The following UNC5D variants were observed in gnomAD, a reference collection of about 807,000 sequenced individuals.
UNC5D encodes the protein unc-5 netrin receptor D, also known as netrin receptor UNC5D.
In UNC5D, 39 loss-of-function variants were observed where a neutral mutation model predicts 105.4. The observed-to-expected ratio is 0.37, with a 90% CI of 0.29 to 0.48. UNC5D has a LOEUF of 0.48. Ranked by LOEUF, UNC5D falls within the 20% of genes least tolerant of loss-of-function variation. UNC5D has a pLI of 0.98. For synonymous variants in UNC5D, 452 were observed against 450.4 expected (o/e 1.00, Z -0.04); for missense variants, 991 against 1,202.4 (o/e 0.82, Z 2.60).
intron 2 of UNC5D, among the ~76,000 whole-genome samples, chr8:35,563,502 A>T (rs908675419): frequency 1.3e-5 from 2 of 151,880 alleles, no homozygotes; most frequent in African/African-American, 4.8e-5. Flanking sequence ...TTTGGTTGTC[A>T]GTTCCAATGT....
At chr8:35,393,327 G>A (rs920399008) in intron 1 of UNC5D, among the ~76,000 whole-genome samples, 1 of 150,952 alleles carries the variant, frequency 6.6e-6, no homozygotes, top group Non-Finnish European at 1.5e-5. Flanking sequence ...TAGAGACGGG[G>A]TTTCACCGTG....
chr8:35,402,053 T>G (rs1372569188), intron 1 of UNC5D, among the ~76,000 whole-genome samples: 1 of 152,218 alleles, frequency 6.6e-6, no homozygotes, highest in Non-Finnish European at 1.5e-5. Flanking sequence ...TTCTGCTCCG[T>G]GTGGATCACT....
Position 35,683,634 on chromosome 8 carries a change from C to T in UNC5D, c.658C>T (p.Gln220Ter). The change falls in exon 5 of 17, where the codon CAG becomes TAG. Residue 220 changes from glutamine to a stop codon, truncating the protein, a stop_gained. Coordinates refer to ENST00000404895, the MANE Select transcript of UNC5D (RefSeq NM_080872.4). LOFTEE classifies it high-confidence loss of function. ...GGCTGACCATAACCTGATCATCAGG[C>T]AGGCACGGCTCTCGGACTCAGGAAA... ...TRADHNLIIR[Q>*]ARLSDSGNYT... is the part of the protein sequence containing the mutation. 6.3e-7 allele frequency: 1 copy of T among 1,582,560 alleles called. No individual in the cohort carries two copies. The highest frequency in any genetic ancestry group is 8.6e-7 in the Non-Finnish European group (1 of 1,169,058).
At chr8:35,515,804 A>G (rs533501326) in intron 1 of UNC5D, among the ~76,000 whole-genome samples, 370 of 152,340 alleles carry the variant, frequency 2.4e-3, no homozygotes, top group Non-Finnish European at 3.4e-3. Flanking sequence ...TGGATATAAT[A>G]AGTAATAATA....
At chr8:35,281,851 A>G (rs1042563581) in intron 1 of UNC5D, among the ~76,000 whole-genome samples, 2 of 152,186 alleles carry the variant, frequency 1.3e-5, no homozygotes, top group African/African-American at 4.8e-5. Context: ...GGTTTGGTGA[A>G]TAGAGTTATG....
At chr8:35,482,926 C>A (rs1343542042) in intron 1 of UNC5D, among the ~76,000 whole-genome samples, 1 of 151,404 alleles carries the variant, frequency 6.6e-6, no homozygotes, top group Non-Finnish European at 1.5e-5. Context: ...CCGTGGCCCC[C>A]CGAGTAGCTG....
Position 35,409,063 on chromosome 8 carries a change from A to T in UNC5D, c.104-140229A>T, listed in dbSNP as rs143796210. Among the ~76,000 whole-genome samples the T allele has an allele frequency of 4.1e-3, 625 of 152,182 alleles. 2 individuals carry two copies. The highest frequency in any genetic ancestry group is 0.014 in the African/African-American group (570 of 41,568). On this transcript the variant is annotated intron_variant, in intron 1 of 16. Coordinates refer to ENST00000404895, the MANE Select transcript of UNC5D (RefSeq NM_080872.4). ...TTTTAAGTCTAGCTTCTTTCACTTA[A>T]TGCTTATGTGTATCATCCTTGTTGT...
Position 35,731,399 on chromosome 8 carries a change from C to CAAAA in UNC5D, c.1766+330_1766+333dup, listed in dbSNP as rs57529561. Among the ~76,000 whole-genome samples, 100 of 30,632 alleles carry CAAAA rather than the reference C, an allele frequency of 3.3e-3. 4 individuals carry two copies. The highest frequency in any genetic ancestry group is 4.8e-3 in the African/African-American group (76 of 15,720). 20.1% of individuals were successfully genotyped at this position (30,632 alleles called of 152,430 possible). On this transcript the variant is annotated intron_variant, in intron 11 of 16. Transcript: ENST00000404895. The stretch of plus-strand genomic sequence containing the variant: ...CTGGGCAACAGTGAGACTCTGTCTC[C>CAAAA]AAAAAAAAAAAAAAAAAAAAAAAAA...
chr8:35,633,459 T>C (rs1386307043), intron 4 of UNC5D, among the ~76,000 whole-genome samples: 1 of 152,118 alleles, frequency 6.6e-6, no homozygotes, highest in African/African-American at 2.4e-5. Context: ...AAAAAAATCC[T>C]TTTTTGTACA....
At chr8:35,582,564 C>G (rs578119167) in intron 3 of UNC5D, among the ~76,000 whole-genome samples, 2 of 152,266 alleles carry the variant, frequency 1.3e-5, no homozygotes, top group East Asian at 3.9e-4. Flanking sequence ...AGTGGCATAT[C>G]CAGTGTTTAC....
intron 16 of UNC5D, among the ~76,000 whole-genome samples, chr8:35,789,436 TA>T (rs1233908326): frequency 6.6e-6 from 1 of 151,096 alleles, no homozygotes; most frequent in East Asian, 2.0e-4. Flanking sequence ...ATGAGTACGT[TA>T]AAAAGAAAAA....
chr8:35,608,581 T>C (rs1820465478), intron 4 of UNC5D, among the ~76,000 whole-genome samples: 1 of 152,160 alleles, frequency 6.6e-6, no homozygotes, highest in Admixed American at 6.6e-5. Flanking sequence ...TCCACTATTA[T>C]TCTACACTCT....
At chr8:35,244,768 TG>T (rs5890798) in intron 1 of UNC5D, among the ~76,000 whole-genome samples, 56,562 of 151,950 alleles carry the variant, frequency 0.37, 11,114 homozygotes, top group Non-Finnish European at 0.43. Flanking sequence ...CCCAGCACTT[TG>T]GGAGGCTGAG....
At chr8:35,735,105 G>A (rs1474950771) in intron 11 of UNC5D, among the ~76,000 whole-genome samples, 1 of 152,136 alleles carries the variant, frequency 6.6e-6, no homozygotes, top group Non-Finnish European at 1.5e-5. Flanking sequence ...TAAAATTAAA[G>A]TATTCAAACA....
intron 14 of UNC5D, among the ~76,000 whole-genome samples, chr8:35,761,161 C>G (rs1211497580): frequency 1.3e-5 from 2 of 152,004 alleles, no homozygotes; most frequent in Non-Finnish European, 2.9e-5. Context: ...TTCTGGTAAG[C>G]AGTATTCAAA....
intron 1 of UNC5D, among the ~76,000 whole-genome samples, chr8:35,456,841 G>A (rs939891132): frequency 6.6e-6 from 1 of 152,200 alleles, no homozygotes; most frequent in Non-Finnish European, 1.5e-5. Flanking sequence ...AAGGGCAATA[G>A]TAAACATGCA....
intron 1 of UNC5D, among the ~76,000 whole-genome samples, chr8:35,247,107 T>A (rs937434299): frequency 6.6e-6 from 1 of 152,042 alleles, no homozygotes; most frequent in South Asian, 2.1e-4. Context: ...TCCTTGCCTC[T>A]TCCCTTTCAG....
intron 2 of UNC5D, among the ~76,000 whole-genome samples, chr8:35,550,553 C>T (rs191138657): frequency 3.9e-5 from 6 of 152,098 alleles, no homozygotes; most frequent in Admixed American, 2.6e-4. Context: ...TATATAGCAA[C>T]GATATTCTAT....
intron 4 of UNC5D, among the ~76,000 whole-genome samples, chr8:35,619,265 GC>G (rs2131018987): frequency 6.6e-6 from 1 of 152,236 alleles, no homozygotes; most frequent in African/African-American, 2.4e-5. Flanking sequence ...TCCCATATAG[GC>G]TTTTGAAGTA....
Sources: gnomAD v4.1 joint callset for allele counts (sites outside exome capture counted in the v4.1 genomes callset) on GRCh38, gnomAD v4.1.1 for gene constraint, MANE v1.5 for transcripts, NCBI Gene and HGNC (gene_info 2026-07-23, HGNC 2026-07-21) for gene names.